The following CNOT10 variants were observed in gnomAD, a reference collection of about 807,000 sequenced individuals.
CNOT10 encodes CCR4-NOT transcription complex, subunit 10.
Under a neutral mutation model 94.6 loss-of-function variants are expected in CNOT10, and 30 were observed. That is an observed-to-expected ratio of 0.32 (90% CI 0.24 to 0.43). The LOEUF is 0.43. Ranked by LOEUF, CNOT10 falls within the 20% of genes least tolerant of loss-of-function variation. The pLI is 1.00. For synonymous variants in CNOT10, 289 were observed against 301.6 expected (o/e 0.96, Z 0.43); for missense variants, 759 against 877.2 (o/e 0.87, Z 1.70).
intron 1 of CNOT10, among the ~76,000 whole-genome samples, chr3:32,694,846 C>G (rs1458769286): frequency 6.6e-6 from 1 of 152,140 alleles, no homozygotes; most frequent in African/African-American, 2.4e-5. Flanking sequence ...GCCTTGGCCT[C>G]CCAAAGAGCT....
intron 13 of CNOT10, among the ~76,000 whole-genome samples, chr3:32,739,239 C>T (rs532433878): frequency 6.6e-6 from 1 of 152,160 alleles, no homozygotes; most frequent in Non-Finnish European, 1.5e-5. Flanking sequence ...GGATCTCTTG[C>T]TTTCTCTCCT....
chr3:32,712,912 A>G (rs538425943), intron 4 of CNOT10, among the ~76,000 whole-genome samples: 6 of 152,248 alleles, frequency 3.9e-5, no homozygotes, highest in African/African-American at 1.2e-4. Context: ...GGAATGCACA[A>G]CCTCTATTGG....
intron 8 of CNOT10, among the ~76,000 whole-genome samples, chr3:32,721,422 CTTTCATCTTTTTTTTTTTTTTTTTT>C (rs1419706317): frequency 7.4e-4 from 54 of 73,242 alleles, no homozygotes; most frequent in Middle Eastern, 9.6e-3. Flanking sequence ...CCTAATTTTT[CTTTCATCTTTTTTTTTTTTTTTTTT>C]TTTTTTTAGT....
intron 1 of CNOT10, among the ~76,000 whole-genome samples, chr3:32,688,351 C>A (rs1038539141): frequency 4.6e-5 from 7 of 152,154 alleles, no homozygotes; most frequent in African/African-American, 1.7e-4. Context: ...GTAATCCCAG[C>A]ATTTTGGGAG....
rs371320486 is a variant in CNOT10 at position 32,754,064 on chromosome 3, C to T, written c.1596-5394C>T. 2.8e-4 allele frequency among the ~76,000 whole-genome samples: 42 copies of T among 152,212 alleles called. 1 individual carries two copies. Among genetic ancestry groups the T allele is most frequent in the African/African-American group, 8.4e-4 (35 of 41,532 alleles). On this transcript the variant is annotated intron_variant, in intron 13 of 18. Coordinates refer to ENST00000328834, the MANE Select transcript of CNOT10 (RefSeq NM_015442.3). ...GCAGTGAGCCAAGATCATGCCATTGCACTCCAGCCTGGGCAACAAGAGCAA... is the reference window on the plus strand; with the variant it reads ...GCAGTGAGCCAAGATCATGCCATTGTACTCCAGCCTGGGCAACAAGAGCAA...
intron 13 of CNOT10, among the ~76,000 whole-genome samples, chr3:32,742,110 C>G (rs1367174031): frequency 6.6e-6 from 1 of 151,556 alleles, no homozygotes; most frequent in Non-Finnish European, 1.5e-5. Flanking sequence ...TGTGTACCAC[C>G]ACGTCCAGCT....
At chr3:32,754,487 A>ATATATATATATAT (rs1296898874) in intron 13 of CNOT10, among the ~76,000 whole-genome samples, 5 of 62,718 alleles carry the variant, frequency 8.0e-5, no homozygotes, top group Non-Finnish European at 7.4e-5. Flanking sequence ...AAAAAAAAAA[A>ATATATATATATAT]AAATACATAT....
At chr3:32,718,078 C>T (rs1349453266) in intron 7 of CNOT10, among the ~76,000 whole-genome samples, 1 of 151,754 alleles carries the variant, frequency 6.6e-6, no homozygotes, top group East Asian at 1.9e-4. Context: ...AATCTTGATG[C>T]TTCTAGAAAA....
chr3:32,738,697 C>T (rs1212749773), intron 13 of CNOT10, among the ~76,000 whole-genome samples: 6 of 151,770 alleles, frequency 4.0e-5, no homozygotes, highest in Non-Finnish European at 8.8e-5. Flanking sequence ...CTCCTGACGT[C>T]GTGATCCACC....
chr3:32,728,495 C>A (rs1391738129), intron 10 of CNOT10, among the ~76,000 whole-genome samples: 1 of 151,862 alleles, frequency 6.6e-6, no homozygotes, highest in Non-Finnish European at 1.5e-5. Context: ...CGCCTGTAGT[C>A]CCAGCTATTC....
chr3:32,727,597 G>A (rs1389827780), intron 9 of CNOT10, 71 bp from the exon 10 acceptor site: 1 of 986,218 alleles, frequency 1.0e-6, no homozygotes, highest in Non-Finnish European at 1.6e-6. Flanking sequence ...AGTACTTAAT[G>A]GAGTAAATGT....
intron 5 of CNOT10, 138 bp downstream of exon 5, chr3:32,713,507 C>A (rs1697978959): frequency 1.5e-6 from 1 of 653,630 alleles, no homozygotes. Context: ...CTTAAAGATA[C>A]AATTTTCATA....
chr3:32,739,167 A>G (rs1699335893), intron 13 of CNOT10, among the ~76,000 whole-genome samples: 3 of 151,958 alleles, frequency 2.0e-5, no homozygotes, highest in Admixed American at 2.0e-4. Context: ...CAGCCTCCCA[A>G]AGTTTTGGGA....
intron 13 of CNOT10, 55 bp downstream of exon 13, chr3:32,737,545 C>A: frequency 8.4e-7 from 1 of 1,187,700 alleles, no homozygotes; most frequent in Non-Finnish European, 1.2e-6. Flanking sequence ...ATATTCATGG[C>A]TGGGCACAGT....
intron 10 of CNOT10, among the ~76,000 whole-genome samples, chr3:32,728,292 T>C (rs1698776192): frequency 6.6e-6 from 1 of 152,012 alleles, no homozygotes; most frequent in Non-Finnish European, 1.5e-5. Context: ...TGTATAGTCT[T>C]CTCTTCTTAA....
rs1332139285 is a variant in CNOT10 at position 32,773,523 on chromosome 3, C to T, written c.2147C>T (p.Ser716Phe). Residue 716 changes from serine (S) to phenylalanine (F), a missense_variant, in exon 19 of 19, where the codon TCT becomes TTT. Ser to Phe is a radical substitution (Grantham distance 155). Around this residue, in one of 3 missense-constraint regions of CNOT10, gnomAD observed 73 missense variants for 61.0 expected, o/e 1.20. Transcript: ENST00000328834. ...NQLLPAVKTH[S>F]EVRKKPVFQP... is the part of the protein sequence containing the mutation. ...CTGCTCCCTGCAGTGAAAACACACT[C>T]TGAAGTGAGAAAGAAGCCAGTGTTT... The T allele has an allele frequency of 6.2e-7, 1 of 1,614,162 alleles. No homozygotes were observed.
intron 1 of CNOT10, among the ~76,000 whole-genome samples, chr3:32,687,897 C>T (rs1049024188): frequency 1.3e-5 from 2 of 152,180 alleles, no homozygotes; most frequent in African/African-American, 4.8e-5. Context: ...TGTCCTTTCT[C>T]TTCTCCGTCT....
Position 32,696,931 on chromosome 3 carries a change from G to A in CNOT10, c.23-6937G>A, listed in dbSNP as rs189740023. 2.6e-5 allele frequency among the ~76,000 whole-genome samples: 4 copies of A among 151,518 alleles called. No individual in the cohort carries two copies. In the East Asian group the frequency reaches 5.8e-4, roughly 22 times the overall value. On this transcript the variant is annotated intron_variant, in intron 1 of 18. Coordinates refer to ENST00000328834, the MANE Select transcript of CNOT10 (RefSeq NM_015442.3). ...TCTCTCCTTTTCTGGAGAATTTTAG[G>A]AGACTTACATTTTCTTTTTCTTTTC...
Position 32,773,479 on chromosome 3 carries a change from G to C in CNOT10, c.2103G>C (p.Gln701His), listed in dbSNP as rs2125657044. Residue 701 changes from glutamine to histidine, a missense_variant, in exon 19 of 19, where the codon CAG becomes CAC. Physicochemically the swap from Gln to His is conservative, Grantham distance 24. This residue lies in a region of CNOT10 where 73 missense variants were observed against 61.0 expected (regional missense o/e 1.20). Transcript: ENST00000328834. ...LQNGNTQLALQIIKRNQLLPA... is the reference protein window; with the variant it reads ...LQNGNTQLALHIIKRNQLLPA... ...TAGGTAATACTCAGCTGGCCTTACA[G>C]ATCATCAAAAGGAATCAGCTGCTCC... 2 of 1,613,658 alleles carry C rather than the reference G, an allele frequency of 1.2e-6. No homozygotes were observed. Among genetic ancestry groups the C allele is most frequent in the East Asian group, 4.5e-5 (2 of 44,860 alleles).
Sources: gnomAD v4.1 joint callset for allele counts (sites outside exome capture counted in the v4.1 genomes callset) on GRCh38, gnomAD v4.1.1 for gene constraint, gnomAD v4.1.1 regional missense constraint, MANE v1.5 for transcripts, NCBI Gene and HGNC (gene_info 2026-07-23, HGNC 2026-07-21) for gene names.